Variants in GPC6 observed in about 807,000 individuals in gnomAD.
GPC6 encodes the protein glypican 6, also known as glypican-6.
Under a neutral mutation model 55.2 loss-of-function variants are expected in GPC6, and 14 were observed. The observed-to-expected ratio is 0.25, with a 90% CI of 0.17 to 0.40. GPC6 has a LOEUF of 0.40. Among genes scored for constraint, GPC6 ranks in the 10% least tolerant of loss-of-function variants. The pLI is 1.00. For synonymous variants in GPC6, 278 were observed against 259.6 expected (o/e 1.07, Z -0.68); for missense variants, 641 against 708.5 (o/e 0.90, Z 1.08).
intron 3 of GPC6, among the ~76,000 whole-genome samples, chr13:93,874,327 G>A (rs578157779): frequency 6.6e-6 from 1 of 151,850 alleles, no homozygotes; most frequent in South Asian, 2.1e-4. Context: ...TCATTAATTT[G>A]CTAAAGACAA....
chr13:93,825,807 A>C (rs1887213154), intron 2 of GPC6, among the ~76,000 whole-genome samples: 1 of 151,434 alleles, frequency 6.6e-6, no homozygotes, highest in African/African-American at 2.4e-5. Context: ...TCTATGGATC[A>C]TAACCCTTAT....
chr13:93,936,481 G>A (rs533391985), intron 3 of GPC6, among the ~76,000 whole-genome samples: 5 of 151,866 alleles, frequency 3.3e-5, no homozygotes, highest in Non-Finnish European at 7.4e-5. Context: ...TATTGAATTA[G>A]CTAAATAAAC....
intron 2 of GPC6, among the ~76,000 whole-genome samples, chr13:93,724,825 T>TCA (rs1188356090): frequency 3.3e-5 from 5 of 152,166 alleles, no homozygotes; most frequent in African/African-American, 7.2e-5. Flanking sequence ...TTATCTTGAT[T>TCA]TCATAGCAGT....
intron 1 of GPC6, among the ~76,000 whole-genome samples, chr13:93,537,257 C>T (rs7326571): frequency 0.18 from 27,352 of 152,082 alleles, 2,844 homozygotes; most frequent in East Asian, 0.3. Context: ...CTTTGCTCTT[C>T]TTGCCATGAT....
chr13:94,238,576 C>T (rs934224808), intron 4 of GPC6, among the ~76,000 whole-genome samples: 1 of 152,142 alleles, frequency 6.6e-6, no homozygotes, highest in Non-Finnish European at 1.5e-5. Context: ...GACTCAGACA[C>T]AGGATAAGTC....
chr13:93,880,167 G>A (rs1161587824), intron 3 of GPC6, among the ~76,000 whole-genome samples: 2 of 151,406 alleles, frequency 1.3e-5, no homozygotes, highest in African/African-American at 4.8e-5. Context: ...CGATTCCTCA[G>A]GGATCTAGAA....
chr13:94,307,591 G>A (rs2139113643), intron 6 of GPC6, among the ~76,000 whole-genome samples: 1 of 152,312 alleles, frequency 6.6e-6, no homozygotes, highest in South Asian at 2.1e-4. Flanking sequence ...GGGATTACAG[G>A]CATGAGCCAA....
At chr13:94,068,134 A>C (rs1310103101) in intron 4 of GPC6, among the ~76,000 whole-genome samples, 1 of 152,174 alleles carries the variant, frequency 6.6e-6, no homozygotes, top group Admixed American at 6.5e-5. Context: ...AAAGAGGTTT[A>C]ATGGACTTAT....
At chr13:94,266,349 T>A (rs1323716087) in intron 4 of GPC6, among the ~76,000 whole-genome samples, 1 of 152,150 alleles carries the variant, frequency 6.6e-6, no homozygotes, top group Admixed American at 6.5e-5. Flanking sequence ...TTTGTATTTT[T>A]AGTAGAGACG....
At chr13:93,758,127 C>A (rs955800600) in intron 2 of GPC6, among the ~76,000 whole-genome samples, 2 of 152,150 alleles carry the variant, frequency 1.3e-5, no homozygotes, top group Non-Finnish European at 2.9e-5. Flanking sequence ...GAATTTGGTC[C>A]TGGAATTGCC....
intron 2 of GPC6, among the ~76,000 whole-genome samples, chr13:93,695,337 C>T (rs1027286636): frequency 1.3e-5 from 2 of 151,942 alleles, no homozygotes; most frequent in Admixed American, 6.6e-5. Context: ...AATATTCCAA[C>T]ATGTTATTTT....
chr13:93,723,070 C>T lies in GPC6; in HGVS notation c.320-107084C>T, dbSNP rs151264100. Among the ~76,000 whole-genome samples, 384 of 152,080 alleles carry T rather than the reference C, an allele frequency of 2.5e-3. 3 individuals carry two copies. Among genetic ancestry groups the T allele is most frequent in the African/African-American group, 8.8e-3 (364 of 41,530 alleles). On this transcript the variant is annotated intron_variant, in intron 2 of 8. Coordinates refer to ENST00000377047, the MANE Select transcript of GPC6 (RefSeq NM_005708.5). ...TTGGAGAATACCATTCAACCCATAA[C>T]ATACATTTCTATTTGACAACATTTA...
At chr13:94,280,577 A>C (rs577195972) in intron 4 of GPC6, among the ~76,000 whole-genome samples, 186 of 152,368 alleles carry the variant, frequency 1.2e-3, no homozygotes, top group African/African-American at 4.4e-3. Flanking sequence ...GGCATTAATC[A>C]GCCTATACAT....
intron 5 of GPC6, among the ~76,000 whole-genome samples, chr13:94,288,832 T>TTA (rs373813396): frequency 0.033 from 1,328 of 39,924 alleles, 146 homozygotes; most frequent in African/African-American, 0.091. Context: ...TATATATTTG[T>TTA]TATATATAAC....
At chr13:93,695,578 T>C (rs1410419160) in intron 2 of GPC6, among the ~76,000 whole-genome samples, 4 of 152,150 alleles carry the variant, frequency 2.6e-5, no homozygotes, top group Non-Finnish European at 5.9e-5. Flanking sequence ...GAAGTATCTT[T>C]TGAGTAAATT....
chr13:93,855,129 A>G (rs1888554797), intron 3 of GPC6, among the ~76,000 whole-genome samples: 1 of 151,686 alleles, frequency 6.6e-6, no homozygotes, highest in African/African-American at 2.4e-5. Flanking sequence ...TCACTTTTAC[A>G]GTATCCTACA....
chr13:93,962,776 G>A (rs1470102951), intron 3 of GPC6, among the ~76,000 whole-genome samples: 2 of 152,006 alleles, frequency 1.3e-5, no homozygotes, highest in South Asian at 4.1e-4. Flanking sequence ...AAATATGATC[G>A]CTTTTTTGCT....
intron 1 of GPC6, among the ~76,000 whole-genome samples, chr13:93,262,298 A>G (rs1877179525): frequency 3.3e-5 from 5 of 151,494 alleles, no homozygotes; most frequent in Admixed American, 3.3e-4. Flanking sequence ...AGGGTTCCCG[A>G]AAAAAAAAGT....
chr13:94,057,091 C>T (rs967479919), intron 4 of GPC6, among the ~76,000 whole-genome samples: 2 of 152,178 alleles, frequency 1.3e-5, no homozygotes, highest in Admixed American at 6.6e-5. Flanking sequence ...TGCCTTTGCA[C>T]TTAACATATT....
Sources: gnomAD v4.1 joint callset for allele counts (sites outside exome capture counted in the v4.1 genomes callset) on GRCh38, gnomAD v4.1.1 for gene constraint, MANE v1.5 for transcripts, NCBI Gene and HGNC (gene_info 2026-07-23, HGNC 2026-07-21) for gene names.